The following EPHA5 variants were observed in gnomAD, a reference collection of about 807,000 sequenced individuals.
The protein encoded by EPHA5 is EPH receptor A5, also known as ephrin type-A receptor 5.
In EPHA5, 60 loss-of-function variants were observed where a neutral mutation model predicts 105.0. The ratio of observed to expected loss-of-function variants is 0.57; its 90% CI spans 0.46 to 0.71. The LOEUF (loss-of-function observed/expected upper bound fraction) is 0.71. Among genes scored for constraint, EPHA5 ranks in the 30% least tolerant of loss-of-function variants. The pLI, the probability that EPHA5 is intolerant of heterozygous loss-of-function variation, is 0.00. For synonymous variants in EPHA5, 513 were observed against 449.1 expected, an observed-to-expected ratio of 1.14 and a Z score of -1.80; for missense variants, 1,218 against 1,274.7, an observed-to-expected ratio of 0.96 and a Z score of 0.68.
At chr4:65,592,357 A>G (rs1194755739) in intron 3 of EPHA5, among the ~76,000 whole-genome samples, 1 of 152,106 alleles carries the variant, frequency 6.6e-6, no homozygotes, top group African/African-American at 2.4e-5. Flanking sequence ...GCTCAGTGGG[A>G]TGAGGCAGGC....
intron 3 of EPHA5, among the ~76,000 whole-genome samples, chr4:65,521,275 C>CA (rs1218704960): frequency 1.3e-5 from 2 of 151,840 alleles, no homozygotes; most frequent in Non-Finnish European, 2.9e-5. Flanking sequence ...ATCACAGGGA[C>CA]AAAAAACCAA....
At chr4:65,527,241 GA>G (rs1434800270) in intron 3 of EPHA5, among the ~76,000 whole-genome samples, 2 of 151,962 alleles carry the variant, frequency 1.3e-5, no homozygotes, top group African/African-American at 4.8e-5. Context: ...GAAAAAATTA[GA>G]AAGAACCTAT....
intron 5 of EPHA5, among the ~76,000 whole-genome samples, chr4:65,430,118 A>C (rs1724834351): frequency 1.3e-5 from 2 of 152,094 alleles, no homozygotes; most frequent in Non-Finnish European, 2.9e-5. Context: ...ATGAAACCAC[A>C]TATTCTTCAG....
chr4:65,358,114 C>T (rs1223423728), intron 11 of EPHA5, among the ~76,000 whole-genome samples: 1 of 151,440 alleles, frequency 6.6e-6, no homozygotes, highest in African/African-American at 2.4e-5. Context: ...GAAACAGATT[C>T]TGCAATTTAG....
At chr4:65,557,835 A>G (rs577078917) in intron 3 of EPHA5, among the ~76,000 whole-genome samples, 103 of 152,248 alleles carry the variant, frequency 6.8e-4, no homozygotes, top group African/African-American at 2.4e-3. Context: ...TGTTCCCAAC[A>G]TTAATGATTG....
At chr4:65,324,270 C>G in intron 16 of EPHA5, 51 bp from the exon 17 acceptor site, 1 of 1,281,802 alleles carries the variant, frequency 7.8e-7, no homozygotes, top group Non-Finnish European at 1.1e-6. Flanking sequence ...TGTAGCACAC[C>G]TCAATATTTC....
intron 5 of EPHA5, among the ~76,000 whole-genome samples, chr4:65,422,558 G>A (rs576984731): frequency 9.2e-5 from 14 of 152,142 alleles, no homozygotes; most frequent in African/African-American, 2.6e-4. Flanking sequence ...TACTGTCCCT[G>A]TATAAGGATA....
intron 2 of EPHA5, among the ~76,000 whole-genome samples, chr4:65,640,121 A>G (rs1376433144): frequency 1.3e-5 from 2 of 152,110 alleles, no homozygotes; most frequent in African/African-American, 2.4e-5. Flanking sequence ...CAAACCTGGC[A>G]TATTAAATAA....
At chr4:65,551,778 CAT>C (rs1737947563) in intron 3 of EPHA5, among the ~76,000 whole-genome samples, 1 of 152,144 alleles carries the variant, frequency 6.6e-6, no homozygotes, top group South Asian at 2.1e-4. Context: ...ATTTATAACA[CAT>C]AAAGTTTATT....
At chr4:65,571,492 A>C (rs1411194315) in intron 3 of EPHA5, among the ~76,000 whole-genome samples, 1 of 152,106 alleles carries the variant, frequency 6.6e-6, no homozygotes, top group Non-Finnish European at 1.5e-5. Flanking sequence ...TCAATTCTTT[A>C]ACATTTTCTT....
intron 11 of EPHA5, among the ~76,000 whole-genome samples, chr4:65,355,296 T>A (rs1427685030): frequency 6.6e-6 from 1 of 151,678 alleles, no homozygotes; most frequent in Non-Finnish European, 1.5e-5. Flanking sequence ...AATTTCTTAG[T>A]AGAAAAATAA....
intron 8 of EPHA5, among the ~76,000 whole-genome samples, chr4:65,383,618 A>C (rs1719792991): frequency 6.6e-6 from 1 of 151,904 alleles, no homozygotes; most frequent in South Asian, 2.1e-4. Context: ...GATTTTATTG[A>C]GCTCACTCTA....
In EPHA5 at chr4:65,338,216, T is replaced by C. The variant is rs537028038; in HGVS notation, c.2596-2091A>G. ...TTTTAAAAATTATCATTTGCACACA[T>C]AGATCGATAGAAGTTTATTTATTGG... On this transcript the variant is annotated intron_variant, in intron 14 of 16. Coordinates refer to ENST00000613740, the MANE Select transcript of EPHA5 (RefSeq NM_001281766.3). Among the ~76,000 whole-genome samples the C allele has an allele frequency of 3.9e-4, 59 of 152,222 alleles. 1 individual carries two copies. The highest frequency in any genetic ancestry group is 1.4e-3 in the African/African-American group (57 of 41,564).
At chr4:65,552,085 G>T (rs954870890) in intron 3 of EPHA5, among the ~76,000 whole-genome samples, 1 of 152,094 alleles carries the variant, frequency 6.6e-6, no homozygotes, top group Admixed American at 6.6e-5. Context: ...TCACAGCAGA[G>T]GGCAGAAAAA....
At chr4:65,533,920 G>A (rs1340939498) in intron 3 of EPHA5, among the ~76,000 whole-genome samples, 3 of 150,718 alleles carry the variant, frequency 2.0e-5, no homozygotes, top group African/African-American at 7.3e-5. Flanking sequence ...GTGACAGAGT[G>A]AGACTCCATC....
intron 3 of EPHA5, among the ~76,000 whole-genome samples, chr4:65,581,232 G>A (rs773552081): frequency 1.3e-5 from 2 of 151,708 alleles, no homozygotes; most frequent in Non-Finnish European, 1.5e-5. Flanking sequence ...ATATGCCAGA[G>A]TTTTAAGCAT....
chr4:65,532,185 C>G (rs1472519708), intron 3 of EPHA5, among the ~76,000 whole-genome samples: 6 of 151,984 alleles, frequency 3.9e-5, no homozygotes, highest in Admixed American at 3.9e-4. Context: ...TCATTTTTGA[C>G]AACGAGTACT....
At chr4:65,389,032 G>T (rs952140947) in intron 8 of EPHA5, among the ~76,000 whole-genome samples, 4 of 151,922 alleles carry the variant, frequency 2.6e-5, no homozygotes, top group Non-Finnish European at 2.9e-5. Flanking sequence ...TTCCTTGTTG[G>T]AGTTTTAGAT....
intron 1 of EPHA5, among the ~76,000 whole-genome samples, chr4:65,657,453 G>A (rs1749174754): frequency 1.3e-5 from 2 of 152,158 alleles, no homozygotes; most frequent in Non-Finnish European, 2.9e-5. Context: ...GGATGTCTAT[G>A]AATTGTTTTC....
Sources: gnomAD v4.1 joint callset for allele counts (sites outside exome capture counted in the v4.1 genomes callset) on GRCh38, gnomAD v4.1.1 for gene constraint, MANE v1.5 for transcripts, NCBI Gene and HGNC (gene_info 2026-07-23, HGNC 2026-07-21) for gene names.